Variants in SBF2 observed in about 807,000 individuals in gnomAD.
The protein encoded by SBF2 is SET binding factor 2, also known as myotubularin-related protein 13.
SBF2 carries 112 observed loss-of-function variants against 225.2 expected under a neutral mutation model. The observed-to-expected ratio is 0.50, with a 90% CI of 0.43 to 0.58. The LOEUF (loss-of-function observed/expected upper bound fraction) is 0.58, where lower values mean the gene tolerates loss of function less well. SBF2 is among the 20% of genes least tolerant of loss of function. The pLI, the probability that SBF2 is intolerant of heterozygous loss-of-function variation, is 0.00. For synonymous variants in SBF2, 763 were observed against 773.3 expected (o/e 0.99, Z 0.22); for missense variants, 1,996 against 2,206.2 (o/e 0.90, Z 1.91).
At chr11:10,163,918 C>T (rs1224392827) in intron 2 of SBF2, among the ~76,000 whole-genome samples, 1 of 152,188 alleles carries the variant, frequency 6.6e-6, no homozygotes, top group African/African-American at 2.4e-5. Flanking sequence ...ATATTGACCA[C>T]TGTACCAAAT....
At chr11:10,094,342 T>C (rs1034374008) in intron 2 of SBF2, among the ~76,000 whole-genome samples, 4 of 151,974 alleles carry the variant, frequency 2.6e-5, no homozygotes, top group South Asian at 2.1e-4. Flanking sequence ...TATGTATATA[T>C]ATATTAACTT....
At chr11:9,811,727 T>G (rs1270352397) in intron 30 of SBF2, among the ~76,000 whole-genome samples, 1 of 152,102 alleles carries the variant, frequency 6.6e-6, no homozygotes, top group East Asian at 1.9e-4. Context: ...CCTTTTTTTT[T>G]TTTTGCCTTT....
intron 1 of SBF2, among the ~76,000 whole-genome samples, chr11:10,300,570 A>C (rs924693847): frequency 6.6e-6 from 1 of 151,856 alleles, no homozygotes; most frequent in African/African-American, 2.4e-5. Context: ...AGGTGCTTCT[A>C]ATCTGATATC....
intron 1 of SBF2, among the ~76,000 whole-genome samples, chr11:10,244,903 AG>A (rs1203498228): frequency 6.6e-6 from 1 of 152,132 alleles, no homozygotes; most frequent in Non-Finnish European, 1.5e-5. Context: ...TGGGAGGCCA[AG>A]GGGGGTGGAT....
At chr11:10,228,319 C>T (rs1471220780) in intron 1 of SBF2, among the ~76,000 whole-genome samples, 1 of 152,180 alleles carries the variant, frequency 6.6e-6, no homozygotes, top group Non-Finnish European at 1.5e-5. Context: ...TTATTTCCTT[C>T]TCCTGCCTGA....
rs78265610 is a variant in SBF2 at position 10,220,081 on chromosome 11, A to C, written c.56-26094T>G. On this transcript the variant is annotated intron_variant, in intron 1 of 39. Transcript: ENST00000256190. ...ATAAAGACACACCAGAGACTGCGTA[A>C]TTTAAAAAGGAAAGAAGTTTAATGG... 9.9e-3 allele frequency among the ~76,000 whole-genome samples: 1,501 copies of C among 152,318 alleles called. 17 individuals carry two copies. Among genetic ancestry groups the C allele is most frequent in the African/African-American group, 0.035 (1,449 of 41,560 alleles).
At chr11:10,234,559 A>C (rs1458265728) in intron 1 of SBF2, among the ~76,000 whole-genome samples, 1 of 152,144 alleles carries the variant, frequency 6.6e-6, no homozygotes, top group African/African-American at 2.4e-5. Context: ...TACAGATCTA[A>C]ATTTTGTCAA....
chr11:9,970,030 T>C (rs1444033571), intron 13 of SBF2, among the ~76,000 whole-genome samples: 1 of 152,184 alleles, frequency 6.6e-6, no homozygotes, highest in African/African-American at 2.4e-5. Context: ...CAGGATTAGA[T>C]CTCAAACACT....
At position 9,915,909 on chromosome 11, in the gene SBF2, C is replaced by T. The variant is rs974273018; in HGVS notation, c.1861-19898G>A. 1.2e-4 allele frequency among the ~76,000 whole-genome samples: 19 copies of T among 152,112 alleles called. No homozygotes were observed. In the East Asian group the frequency reaches 2.9e-3, roughly 23 times the overall value. ...TGAAACCCCATGTCTACTAAAAATACAAAAATTAGCCAGGTGTGGTGGTGT... is the reference window on the plus strand; with the variant it reads ...TGAAACCCCATGTCTACTAAAAATATAAAAATTAGCCAGGTGTGGTGGTGT... On this transcript the variant is annotated intron_variant, in intron 16 of 39. Transcript: ENST00000256190.
chr11:9,817,819 G>A lies in SBF2; in HGVS notation c.3794-795C>T, dbSNP rs187879293. ...GCTGAAATGGGAGGATCACTTGACCGCTGGAGGTGGAGGTTGCAGTGAGCC... is the reference window on the plus strand; with the variant it reads ...GCTGAAATGGGAGGATCACTTGACCACTGGAGGTGGAGGTTGCAGTGAGCC... On this transcript the variant is annotated intron_variant, in intron 28 of 39. Transcript: ENST00000256190. 9.9e-5 allele frequency among the ~76,000 whole-genome samples: 15 copies of A among 151,424 alleles called. No individual in the cohort carries two copies. The East Asian group carries it at 1.4e-3, about 14-fold the overall frequency.
chr11:10,027,790 C>A (rs79371669), intron 6 of SBF2, among the ~76,000 whole-genome samples: 1 of 151,838 alleles, frequency 6.6e-6, no homozygotes, highest in Admixed American at 6.6e-5. Context: ...TAACCATTGC[C>A]GAAAAATTGG....
chr11:9,884,649 C>T (rs1860109067), intron 17 of SBF2, among the ~76,000 whole-genome samples: 1 of 152,180 alleles, frequency 6.6e-6, no homozygotes, highest in South Asian at 2.1e-4. Context: ...TGCCACAGAG[C>T]TGTGGGTGCA....
chr11:10,131,696 C>T (rs1001151449), intron 2 of SBF2, among the ~76,000 whole-genome samples: 28 of 152,292 alleles, frequency 1.8e-4, no homozygotes, highest in African/African-American at 6.0e-4. Context: ...CCACCTCGGC[C>T]TCCCAAAGTG....
chr11:10,123,675 T>C (rs1953594400), intron 2 of SBF2, among the ~76,000 whole-genome samples: 1 of 151,544 alleles, frequency 6.6e-6, no homozygotes, highest in Admixed American at 6.6e-5. Flanking sequence ...GACTATAAAG[T>C]CTTCCTTACA....
Position 9,847,071 on chromosome 11 carries a change from G to A in SBF2, c.2819C>T (p.Thr940Ile), listed in dbSNP as rs756720332. The change falls in exon 23 of 40, where the codon ACA becomes ATA. Residue 940 changes from threonine to isoleucine, a missense_variant. Transcript: ENST00000256190. ...GGCAATGGGAAAGCTCCGCACAACT[G>A]TCTGCTCACCCACTGTAAATAGACA... ...TPHDQLVGEQ[T>I]VVRSFPIASI... The A allele has an allele frequency of 8.7e-6, 14 of 1,613,618 alleles. No homozygotes were observed. Among genetic ancestry groups the A allele is most frequent in the Admixed American group, 5.0e-5 (3 of 59,952 alleles).
intron 2 of SBF2, among the ~76,000 whole-genome samples, chr11:10,078,050 C>A (rs112503888): frequency 4.7e-4 from 72 of 152,250 alleles, no homozygotes; most frequent in African/African-American, 1.6e-3. Context: ...CTCATCATCA[C>A]TGGTCATTAG....
At chr11:10,159,560 C>T (rs956467487) in intron 2 of SBF2, among the ~76,000 whole-genome samples, 1 of 152,170 alleles carries the variant, frequency 6.6e-6, no homozygotes, top group African/African-American at 2.4e-5. Context: ...CATTCCTGAC[C>T]AATCAGCACT....
At chr11:10,165,526 T>C (rs1049951959) in intron 2 of SBF2, among the ~76,000 whole-genome samples, 1 of 152,204 alleles carries the variant, frequency 6.6e-6, no homozygotes, top group Non-Finnish European at 1.5e-5. Context: ...TGTCCAAAGA[T>C]TTGCCGAAGT....
intron 2 of SBF2, among the ~76,000 whole-genome samples, chr11:10,153,803 G>A (rs923593345): frequency 4.6e-5 from 7 of 152,072 alleles, no homozygotes; most frequent in African/African-American, 1.7e-4. Context: ...TATAATTTTA[G>A]AGTTTACATT....
Sources: allele counts gnomAD v4.1 joint callset (sites outside exome capture counted in the v4.1 genomes callset), GRCh38; gene constraint gnomAD v4.1.1; transcripts MANE v1.5; gene names NCBI Gene and HGNC (gene_info 2026-07-23, HGNC 2026-07-21).